The following CCDC150 variants were observed in gnomAD, a reference collection of about 807,000 sequenced individuals.
The protein encoded by CCDC150 is coiled-coil domain containing 150.
Under a neutral mutation model 156.5 loss-of-function variants are expected in CCDC150, and 151 were observed. The ratio of observed to expected loss-of-function variants is 0.97; its 90% CI spans 0.85 to 1.10. The LOEUF (loss-of-function observed/expected upper bound fraction) is 1.10, where lower values mean the gene tolerates loss of function less well. Ranked by LOEUF, CCDC150 falls within the 50% of genes least tolerant of loss-of-function variation. CCDC150 has a pLI of 0.00. For missense variants in CCDC150, 1,312 were observed against 1,268.1 expected, an observed-to-expected ratio of 1.03 and a Z score of -0.53; for synonymous variants, 452 against 429.4, an observed-to-expected ratio of 1.05 and a Z score of -0.65.
At chr2:196,695,730 C>T (rs1234210392) in intron 14 of CCDC150, among the ~76,000 whole-genome samples, 1 of 150,758 alleles carries the variant, frequency 6.6e-6, no homozygotes, top group Admixed American at 6.6e-5. Flanking sequence ...GTAGTTCCAG[C>T]TACTCGGGAG....
rs559121992 is a variant in CCDC150, at chr2:196,658,733, T to A, written c.577-59T>A. 7.0e-6 allele frequency: 9 copies of A among 1,285,314 alleles called. No homozygotes were observed. The East Asian group carries it at 2.2e-4, about 32-fold the overall frequency. The allele number at this position is 1,285,314 out of a possible 1,614,324, so 79.6% of individuals were successfully genotyped here. A position where few individuals can be genotyped will look rare whatever the true frequency, so the allele number is the denominator to read the frequency against. ...AACCTGATTTGATCTGATATACCTATAGACAATTTCTTCCTGTCATTTCAG... is the reference window on the plus strand; with the variant it reads ...AACCTGATTTGATCTGATATACCTAAAGACAATTTCTTCCTGTCATTTCAG... On this transcript the variant is annotated intron_variant, in intron 4 of 27. Coordinates refer to ENST00000389175, the MANE Select transcript of CCDC150 (RefSeq NM_001080539.2).
intron 2 of CCDC150, among the ~76,000 whole-genome samples, chr2:196,652,429 C>A (rs1692944205): frequency 6.6e-6 from 1 of 152,240 alleles, no homozygotes; most frequent in African/African-American, 2.4e-5. Context: ...AGCAATGGGT[C>A]CCACACTTTA....
At chr2:196,721,369 T>TGTATATATATATA (rs1559276170) in intron 20 of CCDC150, among the ~76,000 whole-genome samples, 153 bp from the exon 21 acceptor site, 2 of 141,714 alleles carry the variant, frequency 1.4e-5, no homozygotes, top group Non-Finnish European at 1.5e-5. Flanking sequence ...TATATATATA[T>TGTATATATATATA]TTTCCAGGCA....
chr2:196,674,017 G>T (rs1044026380), intron 9 of CCDC150, among the ~76,000 whole-genome samples: 1 of 152,062 alleles, frequency 6.6e-6, no homozygotes, highest in Non-Finnish European at 1.5e-5. Context: ...TGCTTCAGTT[G>T]CTCTACCAAA....
rs75642251 is a variant in CCDC150 at position 196,666,795 on chromosome 2, A to C, written c.839A>C (p.Gln280Pro). 2.9e-6 allele frequency: 2 copies of C among 687,352 alleles called. No individual in the cohort carries two copies. Among genetic ancestry groups the C allele is most frequent in the African/African-American group, 2.0e-5 (1 of 51,148 alleles). The allele number at this position is 687,352 out of a possible 1,614,324, so 42.6% of individuals were successfully genotyped here. A position where few individuals can be genotyped will look rare whatever the true frequency, so the allele number is the denominator to read the frequency against. ...GCTCAAGAACTACTGGCCCAGGAAC[A>C]AAAAAAAAAAGAAGAGTTGGAGATT... ...QSAQELLAQE[Q>P]KKKEELEIAT... is the part of the protein sequence containing the mutation. The change falls in exon 7 of 28, where the codon CAA becomes CCA. Residue 280 changes from glutamine to proline, a missense_variant. Transcript: ENST00000389175.
rs775456338 is a variant in CCDC150, at chr2:196,729,248, A to G, written c.2612A>G (p.Asn871Ser). Residue 871 changes from asparagine to serine, a missense_variant, in exon 23 of 28, where the codon AAC becomes AGC. Transcript: ENST00000389175. ...NFRSVEVSRT[N>S]RELRQKLAEL... is the part of the protein sequence containing the mutation. ...AGATCAGTGGAAGTGTCCCGGACCA[A>G]CCGAGAGCTGCGACAGAAACTTGCA... 6.2e-6 allele frequency: 10 copies of G among 1,613,992 alleles called. No homozygotes were observed. Among genetic ancestry groups the G allele is most frequent in the Middle Eastern group, 3.3e-4 (2 of 6,062 alleles).
At chr2:196,671,399 A>G (rs953169951) in intron 8 of CCDC150, among the ~76,000 whole-genome samples, 1 of 146,612 alleles carries the variant, frequency 6.8e-6, no homozygotes. Flanking sequence ...TCATGGCTTG[A>G]TAGCACATTT....
chr2:196,668,592 CAT>C (rs1464640615), intron 7 of CCDC150, among the ~76,000 whole-genome samples: 2 of 152,096 alleles, frequency 1.3e-5, no homozygotes, highest in Non-Finnish European at 2.9e-5. Flanking sequence ...ATAGACTTGA[CAT>C]ATATGCAATT....
At chr2:196,663,389 A>G (rs1340056201) in intron 5 of CCDC150, among the ~76,000 whole-genome samples, 4 of 152,244 alleles carry the variant, frequency 2.6e-5, no homozygotes, top group African/African-American at 7.2e-5. Flanking sequence ...AAGAAATCCA[A>G]AATTATTAAG....
intron 8 of CCDC150, 45 bp from the exon 9 acceptor site, chr2:196,672,300 A>C: frequency 1.0e-6 from 1 of 991,046 alleles, no homozygotes; most frequent in Non-Finnish European, 1.4e-6. Context: ...GGGTGCACAT[A>C]GTATCTCTTA....
At chr2:196,648,546 A>G (rs1692679361) in intron 2 of CCDC150, among the ~76,000 whole-genome samples, 1 of 152,116 alleles carries the variant, frequency 6.6e-6, no homozygotes, top group African/African-American at 2.4e-5. Context: ...GTCCTTTATC[A>G]GATGTATGAT....
chr2:196,706,421 A>T (rs545910915), intron 15 of CCDC150, among the ~76,000 whole-genome samples: 1 of 152,232 alleles, frequency 6.6e-6, no homozygotes, highest in African/African-American at 2.4e-5. Context: ...GGCTGAGACA[A>T]TGGGGTTTTC....
Position 196,732,111 on chromosome 2 carries a change from C to A in CCDC150, c.3148C>A (p.Arg1050=). Residue 1050 remains arginine (R), a synonymous_variant, in exon 27 of 28, where the codon CGG becomes AGG. Transcript: ENST00000389175. ...TCTACAACTTGAGCTGACAAAAAAC[C>A]GGTTGCAGAGGCCTTCTGGGGAAGA... is the stretch of plus-strand genomic sequence containing the variant. The part of the protein sequence containing the change: ...DGLQLELTKN[R]LQRPSGEDRW... 6.2e-7 allele frequency: 1 copy of A among 1,613,808 alleles called. No homozygotes were observed. The highest frequency in any genetic ancestry group is 8.5e-7 in the Non-Finnish European group (1 of 1,179,802).
chr2:196,683,415 G>A (rs1040512575), intron 13 of CCDC150, among the ~76,000 whole-genome samples: 5 of 151,974 alleles, frequency 3.3e-5, no homozygotes, highest in Non-Finnish European at 7.4e-5. Context: ...AGGCTTGCTA[G>A]TATTTTGTTA....
chr2:196,676,747 T>C lies in CCDC150; in HGVS notation c.1440+16T>C. ...TCAGAGGGAGGTAGGTAGAAGCAAA[T>C]TTACATTATCTTCTCATTGTGGTGT... is the stretch of plus-strand genomic sequence containing the variant. On this transcript the variant is annotated intron_variant, in intron 12 of 27. Transcript: ENST00000389175. 1 of 1,592,830 alleles carries C rather than the reference T, an allele frequency of 6.3e-7. No homozygotes were observed. The highest frequency in any genetic ancestry group is 8.6e-7 in the Non-Finnish European group (1 of 1,164,082).
intron 20 of CCDC150, 141 bp downstream of exon 20, chr2:196,720,809 C>A: frequency 1.4e-6 from 1 of 710,590 alleles, no homozygotes; most frequent in Non-Finnish European, 2.3e-6. Flanking sequence ...GACATATCTA[C>A]AAATGGGAAA....
chr2:196,657,283 C>A, intron 4 of CCDC150, 147 bp downstream of exon 4: 2 of 747,532 alleles, frequency 2.7e-6, no homozygotes, highest in Non-Finnish European at 4.3e-6. Context: ...TTTGAGGATT[C>A]TTGGCCTATG....
chr2:196,721,561 G>A lies in CCDC150; in HGVS notation c.2299G>A (p.Asp767Asn), dbSNP rs745946748. The change falls in exon 21 of 28, where the codon GAC becomes AAC. Residue 767 changes from aspartate to asparagine, a missense_variant. Transcript: ENST00000389175. ...AAAAGCTCTAGGTGTAGCTAGAGAA[G>A]ACAACAGGAAACTTGCTATGAGTCT... ...LQKALGVAREDNRKLAMSLEQ... is the reference protein window; with the variant it reads ...LQKALGVARENNRKLAMSLEQ... 2.9e-5 allele frequency: 46 copies of A among 1,608,140 alleles called. No individual in the cohort carries two copies. Among genetic ancestry groups the A allele is most frequent in the Non-Finnish European group, 3.7e-5 (43 of 1,177,604 alleles).
intron 13 of CCDC150, among the ~76,000 whole-genome samples, chr2:196,680,317 T>G (rs916469683): frequency 6.6e-6 from 1 of 152,108 alleles, no homozygotes; most frequent in African/African-American, 2.4e-5. Context: ...TCATTTTTTT[T>G]TCAGGGTCTC....
Sources: allele counts gnomAD v4.1 joint callset (sites outside exome capture counted in the v4.1 genomes callset), GRCh38; gene constraint gnomAD v4.1.1; transcripts MANE v1.5; gene names NCBI Gene and HGNC (gene_info 2026-07-23, HGNC 2026-07-21).